Variants in KCNH7 observed in about 807,000 individuals in gnomAD.
KCNH7 encodes voltage-gated inwardly rectifying potassium channel KCNH7.
In KCNH7, 49 loss-of-function variants were observed where a neutral mutation model predicts 120.8. The observed-to-expected ratio is 0.41, with a 90% CI of 0.32 to 0.51. KCNH7 has a LOEUF of 0.51. KCNH7 is among the 20% of genes least tolerant of loss of function. The pLI, the probability that KCNH7 is intolerant of heterozygous loss-of-function variation, is 0.38. For missense variants in KCNH7, 1,097 were observed against 1,446.6 expected (o/e 0.76, Z 3.92); for synonymous variants, 547 against 516.1 (o/e 1.06, Z -0.81).
intron 5 of KCNH7, among the ~76,000 whole-genome samples, chr2:162,507,946 G>A (rs1033115118): frequency 4.0e-5 from 6 of 151,208 alleles, no homozygotes; most frequent in South Asian, 2.1e-4. Flanking sequence ...TGTACTTAAC[G>A]CTTTTAAAAC....
intron 1 of KCNH7, 91 bp downstream of exon 1, chr2:162,838,352 G>A: frequency 9.6e-7 from 1 of 1,037,126 alleles, no homozygotes; most frequent in Non-Finnish European, 1.5e-6. Context: ...AGAGCCTGGA[G>A]TTGCCGGTCT....
At chr2:162,559,756 T>C (rs1692996485) in intron 2 of KCNH7, among the ~76,000 whole-genome samples, 1 of 152,178 alleles carries the variant, frequency 6.6e-6, no homozygotes, top group Non-Finnish European at 1.5e-5. Context: ...CACAAAAATG[T>C]GTCTGGATGA....
At chr2:162,808,137 G>A (rs1684614423) in intron 2 of KCNH7, among the ~76,000 whole-genome samples, 2 of 152,144 alleles carry the variant, frequency 1.3e-5, no homozygotes, top group Admixed American at 6.5e-5. Flanking sequence ...CACATCTCCT[G>A]TATTCTTTAA....
At chr2:162,736,414 C>T (rs904086691) in intron 2 of KCNH7, among the ~76,000 whole-genome samples, 3 of 152,166 alleles carry the variant, frequency 2.0e-5, no homozygotes, top group African/African-American at 7.2e-5. Context: ...TTGTGATTCC[C>T]ATCAGATATG....
At chr2:162,531,162 TTTG>T (rs1168697716) in intron 3 of KCNH7, among the ~76,000 whole-genome samples, 2 of 151,998 alleles carry the variant, frequency 1.3e-5, no homozygotes, top group Non-Finnish European at 2.9e-5. Flanking sequence ...CTCTACTGCA[TTTG>T]TTGTAACTTG....
chr2:162,652,521 C>T (rs920039638), intron 2 of KCNH7, among the ~76,000 whole-genome samples: 2 of 152,258 alleles, frequency 1.3e-5, no homozygotes, highest in South Asian at 4.1e-4. Context: ...TAGATCCTCT[C>T]ATGAGGAGCA....
chr2:162,533,408 T>C (rs1691998270), intron 3 of KCNH7, among the ~76,000 whole-genome samples: 1 of 151,652 alleles, frequency 6.6e-6, no homozygotes, highest in African/African-American at 2.4e-5. Context: ...AAGCTTCACA[T>C]TGCATAAAAA....
At chr2:162,411,209 G>A (rs1004527813) in intron 9 of KCNH7, among the ~76,000 whole-genome samples, 1 of 151,876 alleles carries the variant, frequency 6.6e-6, no homozygotes, top group Non-Finnish European at 1.5e-5. Context: ...ACCAATATAA[G>A]ATGCCTATCA....
intron 3 of KCNH7, among the ~76,000 whole-genome samples, chr2:162,534,718 G>A (rs1692048198): frequency 6.6e-6 from 1 of 151,524 alleles, no homozygotes; most frequent in Non-Finnish European, 1.5e-5. Flanking sequence ...TGCTTCAATA[G>A]CATACAAAAA....
chr2:162,482,723 A>G (rs919800256), intron 6 of KCNH7, among the ~76,000 whole-genome samples: 4 of 152,184 alleles, frequency 2.6e-5, no homozygotes, highest in African/African-American at 9.6e-5. Context: ...GCTGCTTCCT[A>G]CAGCAATAGA....
At chr2:162,423,628 C>T in intron 8 of KCNH7, 93 bp from the exon 9 acceptor site, 2 of 1,121,014 alleles carry the variant, frequency 1.8e-6, no homozygotes, top group Non-Finnish European at 2.6e-6. Context: ...TTGATTATCT[C>T]AATCTAGTGG....
chr2:162,555,638 G>GT (rs1263381754), intron 2 of KCNH7, among the ~76,000 whole-genome samples: 2 of 152,048 alleles, frequency 1.3e-5, no homozygotes, highest in South Asian at 2.1e-4. Flanking sequence ...ACACTCAAGA[G>GT]TTTTTTTGAA....
intron 4 of KCNH7, among the ~76,000 whole-genome samples, chr2:162,515,006 A>G (rs1192892835): frequency 6.6e-6 from 1 of 151,748 alleles, no homozygotes; most frequent in Admixed American, 6.6e-5. Flanking sequence ...TCACTTCTAA[A>G]AGTTTTCCAT....
At chr2:162,389,615 T>C (rs1236360874) in intron 12 of KCNH7, among the ~76,000 whole-genome samples, 1 of 152,018 alleles carries the variant, frequency 6.6e-6, no homozygotes, top group Non-Finnish European at 1.5e-5. Context: ...ATCAATGCTT[T>C]AGTTAAAAAA....
At chr2:162,831,264 C>A (rs182262865) in intron 2 of KCNH7, among the ~76,000 whole-genome samples, 1 of 152,146 alleles carries the variant, frequency 6.6e-6, no homozygotes, top group Admixed American at 6.6e-5. Flanking sequence ...TGATTCTTGG[C>A]GCTAATAAGC....
At chr2:162,399,155 T>C (rs1432670599) in intron 10 of KCNH7, among the ~76,000 whole-genome samples, 1 of 151,540 alleles carries the variant, frequency 6.6e-6, no homozygotes, top group African/African-American at 2.4e-5. Context: ...AGGAGAAAAA[T>C]GCAAATTTTT....
chr2:162,763,058 CTCTCT>C (rs919518507), intron 2 of KCNH7, among the ~76,000 whole-genome samples: 13 of 152,030 alleles, frequency 8.6e-5, no homozygotes, highest in Admixed American at 3.9e-4. Flanking sequence ...TACTATGATT[CTCTCT>C]TCTAATTTTT....
intron 2 of KCNH7, among the ~76,000 whole-genome samples, chr2:162,835,018 C>T (rs1040354359): frequency 6.6e-6 from 1 of 151,982 alleles, no homozygotes; most frequent in African/African-American, 2.4e-5. Flanking sequence ...TCCAAACGTC[C>T]AGATTGTTGG....
At chr2:162,636,246 G>A (rs923951465) in intron 2 of KCNH7, among the ~76,000 whole-genome samples, 7 of 152,006 alleles carry the variant, frequency 4.6e-5, no homozygotes, top group Admixed American at 1.3e-4. Flanking sequence ...AGGTAGAAAC[G>A]GAAAAGAAGA....
Sources: allele counts gnomAD v4.1 joint callset (sites outside exome capture counted in the v4.1 genomes callset), GRCh38; gene constraint gnomAD v4.1.1; transcripts MANE v1.5; gene names NCBI Gene and HGNC (gene_info 2026-07-23, HGNC 2026-07-21).